Variants in OR5D14 observed in about 807,000 individuals in gnomAD.
The protein encoded by OR5D14 is olfactory receptor family 5 subfamily D member 14.
For synonymous variants in OR5D14, 187 were observed against 138.2 expected (o/e 1.35, Z -2.48); for missense variants, 466 against 375.5 (o/e 1.24, Z -1.99).
At position 55,795,675 on chromosome 11, in the gene OR5D14, AGT is replaced by A. The variant is rs780060487; in HGVS notation, c.122_123del (p.Val41GlyfsTer13). ...TGTTTCTGCTCATGTATGTTATCAC[AGT>A]GGTAGGAAACCTTGGGATGATCATA... is the stretch of plus-strand genomic sequence containing the variant. ...LVFLLMYVIT[V>X]VGNLGMIIII... On this transcript the variant is annotated frameshift_variant, in exon 1 of 1. Coordinates refer to ENST00000335605, the MANE Select transcript of OR5D14 (RefSeq NM_001004735.1). LOFTEE classifies it low-confidence loss of function (END_TRUNC). The A allele has an allele frequency of 2.4e-4, 388 of 1,612,194 alleles. 4 individuals are homozygous for A. The Admixed American group carries it at 5.5e-3, about 23-fold the overall frequency.
rs767236357 is a variant in OR5D14, at chr11:55,796,499, G to A, written c.944G>A (p.Ter315=). The change falls in exon 1 of 1, where the codon TGA becomes TAA. Residue 315 remains the stop codon, a stop_retained_variant. Coordinates refer to ENST00000335605, the MANE Select transcript of OR5D14 (RefSeq NM_001004735.1). ...ATACATACACAAGTTCCATTTCACT[G>A]AACCAGTCTCAAAAGTTGTTTTCAA... ...KLIHTQVPFH[*] The A allele has an allele frequency of 2.2e-5, 35 of 1,574,146 alleles. 1 individual carries two copies. The Middle Eastern group carries it at 2.2e-3, about 99-fold the overall frequency.
rs1853520145 is a variant in OR5D14, at chr11:55,795,954, T to C, written c.399T>C (p.Leu133=). ...DRFVAICNPL[L]YTVAMSQRLC... ...TTGTGGCCATCTGCAATCCTCTGCT[T>C]TATACAGTGGCCATGTCACAGAGGC... Residue 133 remains leucine, a synonymous_variant, in exon 1 of 1, where the codon CTT becomes CTC. Coordinates refer to ENST00000335605, the MANE Select transcript of OR5D14 (RefSeq NM_001004735.1). The C allele has an allele frequency of 6.2e-7, 1 of 1,613,788 alleles. No individual in the cohort carries two copies. The highest frequency in any genetic ancestry group is 8.5e-7 in the Non-Finnish European group (1 of 1,180,014).
rs1228075716 is a variant in OR5D14, at chr11:55,795,622, C to T, written c.67C>T (p.Pro23Ser). The change falls in exon 1 of 1, where the codon CCA becomes TCA. Residue 23 changes from proline to serine, a missense_variant. Coordinates refer to ENST00000335605, the MANE Select transcript of OR5D14 (RefSeq NM_001004735.1). ...TFALLGFTDY[P>S]KLQIPLFLVF... Reference sequence around the variant, plus strand: ...TGCCCTTTTAGGTTTCACAGATTACCCAAAGCTTCAGATTCCTCTCTTCCT... The same window carrying T: ...TGCCCTTTTAGGTTTCACAGATTACTCAAAGCTTCAGATTCCTCTCTTCCT... 1 of 1,612,356 alleles carries T rather than the reference C, an allele frequency of 6.2e-7. No individual in the cohort carries two copies. Among genetic ancestry groups the T allele is most frequent in the South Asian group, 1.1e-5 (1 of 91,030 alleles).
Position 55,795,594 on chromosome 11 carries a change from C to A in OR5D14, c.39C>A (p.Thr13=). The A allele has an allele frequency of 6.2e-7, 1 of 1,609,718 alleles. No individual in the cohort carries two copies. The highest frequency in any genetic ancestry group is 8.5e-7 in the Non-Finnish European group (1 of 1,178,266). Residue 13 remains threonine (T), a synonymous_variant, in exon 1 of 1, where the codon ACC becomes ACA. Transcript: ENST00000335605. ...TAAGGAATCTGAGCATGGAGCCCAC[C>A]TTTGCCCTTTTAGGTTTCACAGATT... is the stretch of plus-strand genomic sequence containing the variant. ...MVLRNLSMEP[T]FALLGFTDYP... is the part of the protein sequence containing the mutation.
rs1449352865 is a variant in OR5D14 at position 55,796,339 on chromosome 11, T to C, written c.784T>C (p.Cys262Arg). Residue 262 changes from cysteine to arginine, a missense_variant, in exon 1 of 1, where the codon TGT becomes CGT. Physicochemically the swap from Cys to Arg is radical, Grantham distance 180 (BLOSUM62 -3). Coordinates refer to ENST00000335605, the MANE Select transcript of OR5D14 (RefSeq NM_001004735.1). ...CCATGGGACCATCCTTTTCCTTTAC[T>C]GTGTACCCAACTCCAAAAACTCTCG... is the stretch of plus-strand genomic sequence containing the variant. ...IFHGTILFLY[C>R]VPNSKNSRQT... is the part of the protein sequence containing the mutation. The C allele has an allele frequency of 1.2e-6, 2 of 1,613,862 alleles. No homozygotes were observed. Among genetic ancestry groups the C allele is most frequent in the Admixed American group, 3.3e-5 (2 of 59,970 alleles).
Position 55,796,270 on chromosome 11 carries a change from GCCTTCT to G in OR5D14, c.718_723del (p.Phe240_Ser241del), listed in dbSNP as rs762134019. 6.2e-7 allele frequency: 1 copy of G among 1,613,634 alleles called. No individual in the cohort carries two copies. Among genetic ancestry groups the G allele is most frequent in the Non-Finnish European group, 8.5e-7 (1 of 1,179,790 alleles). On this transcript the variant is annotated inframe_deletion, in exon 1 of 1. Transcript: ENST00000335605. ...CCGTTCTGTTAGTGGGCGCCACAAA[GCCTTCT>G]CCACCTGGGCCTCCCACCTGACTTC...
Position 55,796,087 on chromosome 11 carries a change from C to T in OR5D14, c.532C>T (p.His178Tyr), listed in dbSNP as rs760436093. Residue 178 changes from histidine to tyrosine, a missense_variant, in exon 1 of 1, where the codon CAC becomes TAC. By Grantham distance (83) the His-to-Tyr change is moderately conservative (BLOSUM62 2). Coordinates refer to ENST00000335605, the MANE Select transcript of OR5D14 (RefSeq NM_001004735.1). ...CTTCTCTGGACCTAATGTAATCAACCACTTCTTTTGTGAGTATACTGCTCT... is the reference window on the plus strand; with the variant it reads ...CTTCTCTGGACCTAATGTAATCAACTACTTCTTTTGTGAGTATACTGCTCT... Reference protein sequence around the residue: ...LNFSGPNVINHFFCEYTALIS... With the variant: ...LNFSGPNVINYFFCEYTALIS... 2.5e-6 allele frequency: 4 copies of T among 1,613,816 alleles called. No homozygotes were observed. In the Admixed American group the frequency reaches 6.7e-5, roughly 27 times the overall value.
rs138241507 is a variant in OR5D14 at position 55,796,009 on chromosome 11, C to G, written c.454C>G (p.Leu152Val). The G allele has an allele frequency of 6.2e-7, 1 of 1,613,912 alleles. No homozygotes were observed. Among genetic ancestry groups the G allele is most frequent in the Non-Finnish European group, 8.5e-7 (1 of 1,180,006 alleles). Reference sequence around the variant, plus strand: ...TGCCCTGCTGGTGGCTGGGTCATATCTCTGGGGCATGTTTGGCCCCTTGGT... The same window carrying G: ...TGCCCTGCTGGTGGCTGGGTCATATGTCTGGGGCATGTTTGGCCCCTTGGT... ...LCALLVAGSY[L>V]WGMFGPLVLL... The change falls in exon 1 of 1, where the codon CTC becomes GTC. Residue 152 changes from leucine (L) to valine (V), a missense_variant. Transcript: ENST00000335605.
rs2134443000 is a variant in OR5D14, at chr11:55,796,269, A to T, written c.714A>T (p.Lys238Asn). Reference protein sequence around the residue: ...LKIRSVSGRHKAFSTWASHLT... With the variant: ...LKIRSVSGRHNAFSTWASHLT... ...TCCGTTCTGTTAGTGGGCGCCACAA[A>T]GCCTTCTCCACCTGGGCCTCCCACC... Residue 238 changes from lysine (K) to asparagine (N), a missense_variant, in exon 1 of 1, where the codon AAA (lysine) becomes AAT (asparagine). Transcript: ENST00000335605. The T allele has an allele frequency of 1.2e-6, 2 of 1,613,660 alleles. 1 individual carries two copies. Among genetic ancestry groups the T allele is most frequent in the African/African-American group, 2.7e-5 (2 of 74,832 alleles).
In OR5D14 at chr11:55,796,451, T is replaced by C; in HGVS notation, c.896T>C (p.Val299Ala). ...PLIYSLRNKD[V>A]KDAFWKLIHT... Reference sequence around the variant, plus strand: ...ATCTACAGCCTAAGGAATAAAGACGTGAAGGATGCTTTCTGGAAGTTAATA... The same window carrying C: ...ATCTACAGCCTAAGGAATAAAGACGCGAAGGATGCTTTCTGGAAGTTAATA... The change falls in exon 1 of 1, where the codon GTG becomes GCG. Residue 299 changes from valine to alanine, a missense_variant. Val to Ala is a moderately conservative substitution (Grantham distance 64, BLOSUM62 0). Transcript: ENST00000335605. 6.2e-7 allele frequency: 1 copy of C among 1,612,318 alleles called. No homozygotes were observed. The highest frequency in any genetic ancestry group is 8.5e-7 in the Non-Finnish European group (1 of 1,179,484).
chr11:55,795,645 C>T lies in OR5D14; in HGVS notation c.90C>T (p.Phe30=), dbSNP rs887370078. The T allele has an allele frequency of 1.2e-6, 2 of 1,612,454 alleles. No individual in the cohort carries two copies. The highest frequency in any genetic ancestry group is 1.3e-5 in the African/African-American group (1 of 74,816). ...ACCCAAAGCTTCAGATTCCTCTCTT[C>T]CTTGTGTTTCTGCTCATGTATGTTA... ...TDYPKLQIPL[F]LVFLLMYVIT... The change falls in exon 1 of 1, where the codon TTC becomes TTT. Residue 30 remains phenylalanine (F), a synonymous_variant. Transcript: ENST00000335605.
Position 55,795,993 on chromosome 11 carries a change from G to C in OR5D14, c.438G>C (p.Leu146=), listed in dbSNP as rs569620435. ...TGTCACAGAGGCTCTGTGCCCTGCT[G>C]GTGGCTGGGTCATATCTCTGGGGCA... ...VAMSQRLCAL[L]VAGSYLWGMF... is the part of the protein sequence containing the mutation. The change falls in exon 1 of 1, where the codon CTG becomes CTC. Residue 146 remains leucine, a synonymous_variant. Transcript: ENST00000335605. The C allele has an allele frequency of 6.2e-7, 1 of 1,613,852 alleles. No individual in the cohort carries two copies. The highest frequency in any genetic ancestry group is 8.5e-7 in the Non-Finnish European group (1 of 1,179,998).
chr11:55,796,127 G>T lies in OR5D14; in HGVS notation c.572G>T (p.Gly191Val). 6.2e-7 allele frequency: 1 copy of T among 1,613,722 alleles called. No homozygotes were observed. The highest frequency in any genetic ancestry group is 8.5e-7 in the Non-Finnish European group (1 of 1,179,898). ...TATACTGCTCTCATCTCTGTGTCTG[G>T]CTCTGATATACTCATCCCCCACCTG... ...CEYTALISVS[G>V]SDILIPHLLL... The change falls in exon 1 of 1, where the codon GGC (glycine) becomes GTC (valine). Residue 191 changes from glycine (G) to valine (V), a missense_variant. Gly to Val is a moderately radical substitution (Grantham distance 109, BLOSUM62 -3). Coordinates refer to ENST00000335605, the MANE Select transcript of OR5D14 (RefSeq NM_001004735.1).
In OR5D14 at chr11:55,796,464, C is replaced by G; in HGVS notation, c.909C>G (p.Phe303Leu). ...GGAATAAAGACGTGAAGGATGCTTTCTGGAAGTTAATACATACACAAGTTC... is the reference window on the plus strand; with the variant it reads ...GGAATAAAGACGTGAAGGATGCTTTGTGGAAGTTAATACATACACAAGTTC... Reference protein sequence around the residue: ...SLRNKDVKDAFWKLIHTQVPF... With the variant: ...SLRNKDVKDALWKLIHTQVPF... The change falls in exon 1 of 1, where the codon TTC becomes TTG. Residue 303 changes from phenylalanine to leucine, a missense_variant. Phe to Leu is a conservative substitution (Grantham distance 22). Transcript: ENST00000335605. 1 of 1,610,004 alleles carries G rather than the reference C, an allele frequency of 6.2e-7. No individual in the cohort carries two copies.
At position 55,795,945 on chromosome 11, in the gene OR5D14, TC is replaced by T. The variant is rs1339082742; in HGVS notation, c.392del (p.Pro131LeufsTer38). 6.2e-7 allele frequency: 1 copy of T among 1,613,884 alleles called. No individual in the cohort carries two copies. Among genetic ancestry groups the T allele is most frequent in the African/African-American group, 1.3e-5 (1 of 74,880 alleles). On this transcript the variant is annotated frameshift_variant, in exon 1 of 1. Transcript: ENST00000335605. LOFTEE classifies it low-confidence loss of function (END_TRUNC). ...AYDRFVAICNPLLYTVAMSQR... is the reference protein window; with the variant it reads ...AYDRFVAICNXLLYTVAMSQR... The stretch of plus-strand genomic sequence containing the variant: ...ATGACCGCTTTGTGGCCATCTGCAA[TC>T]CTCTGCTTTATACAGTGGCCATGTC...
chr11:55,795,848 G>A lies in OR5D14; in HGVS notation c.293G>A (p.Ser98Asn), dbSNP rs1853517822. The A allele has an allele frequency of 6.2e-7, 1 of 1,613,874 alleles. No homozygotes were observed. The highest frequency in any genetic ancestry group is 8.5e-7 in the Non-Finnish European group (1 of 1,179,980). Reference sequence around the variant, plus strand: ...GCAGATAAAAGCATCTTCTACTTTAGCTGCATGATGCAGTACTTCCTGTCC... The same window carrying A: ...GCAGATAAAAGCATCTTCTACTTTAACTGCATGATGCAGTACTTCCTGTCC... ...VMADKSIFYF[S>N]CMMQYFLSCT... is the part of the protein sequence containing the mutation. Residue 98 changes from serine (S) to asparagine (N), a missense_variant, in exon 1 of 1, where the codon AGC (serine) becomes AAC (asparagine). By Grantham distance (46) the Ser-to-Asn change is conservative. Coordinates refer to ENST00000335605, the MANE Select transcript of OR5D14 (RefSeq NM_001004735.1).
Position 55,796,359 on chromosome 11 carries a change from C to T in OR5D14, c.804C>T (p.Asn268=), listed in dbSNP as rs1203109372. Residue 268 remains asparagine (N), a synonymous_variant, in exon 1 of 1, where the codon AAC becomes AAT. Transcript: ENST00000335605. ...LFLYCVPNSK[N]SRQTVKVASV... ...TTTACTGTGTACCCAACTCCAAAAA[C>T]TCTCGGCAAACAGTCAAAGTGGCCT... 6.2e-7 allele frequency: 1 copy of T among 1,613,928 alleles called. No individual in the cohort carries two copies. Among genetic ancestry groups the T allele is most frequent in the Non-Finnish European group, 8.5e-7 (1 of 1,179,944 alleles).
chr11:55,796,118 C>T lies in OR5D14; in HGVS notation c.563C>T (p.Ser188Phe), dbSNP rs1464409766. Residue 188 changes from serine (S) to phenylalanine (F), a missense_variant, in exon 1 of 1, where the codon TCT becomes TTT. By Grantham distance (155) the Ser-to-Phe change is radical. Transcript: ENST00000335605. ...HFFCEYTALISVSGSDILIPH... is the reference protein window; with the variant it reads ...HFFCEYTALIFVSGSDILIPH... ...TTTTGTGAGTATACTGCTCTCATCTCTGTGTCTGGCTCTGATATACTCATC... is the reference window on the plus strand; with the variant it reads ...TTTTGTGAGTATACTGCTCTCATCTTTGTGTCTGGCTCTGATATACTCATC... 1 of 1,613,968 alleles carries T rather than the reference C, an allele frequency of 6.2e-7. No individual in the cohort carries two copies. The highest frequency in any genetic ancestry group is 8.5e-7 in the Non-Finnish European group (1 of 1,179,958).
chr11:55,795,877 A>C lies in OR5D14; in HGVS notation c.322A>C (p.Thr108Pro), dbSNP rs1232042843. 1.1e-5 allele frequency: 17 copies of C among 1,613,872 alleles called. No individual in the cohort carries two copies. The highest frequency in any genetic ancestry group is 1.3e-5 in the African/African-American group (1 of 74,898). Residue 108 changes from threonine (T) to proline (P), a missense_variant, in exon 1 of 1, where the codon ACT becomes CCT. Thr to Pro is a conservative substitution (Grantham distance 38, BLOSUM62 -1). Coordinates refer to ENST00000335605, the MANE Select transcript of OR5D14 (RefSeq NM_001004735.1). ...SCMMQYFLSC[T>P]AVVTESFLLA... ...CATGATGCAGTACTTCCTGTCCTGC[A>C]CTGCTGTGGTGACAGAGTCTTTCTT...
Sources: allele counts gnomAD v4.1 joint callset, GRCh38; gene constraint gnomAD v4.1.1; transcripts MANE v1.5; gene names NCBI Gene and HGNC (gene_info 2026-07-23, HGNC 2026-07-21).